TRIM36: variants seen among roughly 807,000 people sequenced by gnomAD.
The protein encoded by TRIM36 is tripartite motif containing 36, also known as E3 ubiquitin-protein ligase TRIM36.
TRIM36 carries 42 observed loss-of-function variants against 72.4 expected under a neutral mutation model. That is an observed-to-expected ratio of 0.58 (90% CI 0.45 to 0.75). TRIM36 has a LOEUF of 0.75. TRIM36 is among the 30% of genes least tolerant of loss of function. TRIM36 has a pLI of 0.00. For missense variants in TRIM36, 913 were observed against 857.1 expected (o/e 1.07, Z -0.81); for synonymous variants, 315 against 282.8 (o/e 1.11, Z -1.14).
At chr5:115,137,268 A>G (rs943393224) in intron 6 of TRIM36, 95 bp downstream of exon 6, 66 of 1,502,392 alleles carry the variant, frequency 4.4e-5, no homozygotes, top group South Asian at 1.2e-4. Flanking sequence ...ACATTAACAC[A>G]GCATTATGGA....
chr5:115,177,710 C>A, intron 1 of TRIM36: 1 of 1,613,908 alleles, frequency 6.2e-7, no homozygotes, highest in South Asian at 1.1e-5. Flanking sequence ...CAGACCAACT[C>A]TCCCCCTCCA....
chr5:115,168,341 G>C (rs751170963), intron 1 of TRIM36, among the ~76,000 whole-genome samples: 1 of 152,094 alleles, frequency 6.6e-6, no homozygotes, highest in Non-Finnish European at 1.5e-5. Context: ...ATTTCTCTAC[G>C]TAGTTTTTTC....
chr5:115,162,633 A>T (rs1424162884), intron 2 of TRIM36, among the ~76,000 whole-genome samples: 1 of 152,210 alleles, frequency 6.6e-6, no homozygotes, highest in Non-Finnish European at 1.5e-5. Context: ...TTTTTGCTAA[A>T]TATTAACATA....
chr5:115,177,805 C>T lies in TRIM36; in HGVS notation c.63+2170G>A, dbSNP rs771717428. On this transcript the variant is annotated intron_variant, in intron 1 of 9. Coordinates refer to the TRIM36 transcript ENST00000282369. ...AACCTCAGAGATTTCAAAGGGACAGCGGGCCTCTCCACCTTTAGAAGTCAA... is the reference window on the plus strand; with the variant it reads ...AACCTCAGAGATTTCAAAGGGACAGTGGGCCTCTCCACCTTTAGAAGTCAA... 1.1e-5 allele frequency: 18 copies of T among 1,613,980 alleles called. No homozygotes were observed. The South Asian group carries it at 1.2e-4, about 11-fold the overall frequency.
At chr5:115,163,852 G>A in intron 1 of TRIM36, 100 bp from the exon 2 acceptor site, 1 of 979,412 alleles carries the variant, frequency 1.0e-6, no homozygotes, top group Non-Finnish European at 1.5e-6. Context: ...TTTCCAAAAA[G>A]AATTAAGAAA....
Position 115,125,522 on chromosome 5 carries a change from C to G in TRIM36, c.*981G>C, listed in dbSNP as rs544918112. The G allele has an allele frequency of 6.6e-6, 1 of 151,914 alleles. No homozygotes were observed. The highest frequency in any genetic ancestry group is 2.4e-5 in the African/African-American group (1 of 41,402). The allele number at this position is 151,914 out of a possible 1,614,324, so 9.4% of individuals were successfully genotyped here. On this transcript the variant is annotated 3_prime_UTR_variant, in exon 10 of 10. Transcript: ENST00000513154. Reference sequence around the variant, plus strand: ...AAAATTTATAATATATGTAACGCTACTAAAATATATAATGAACTTTTCAAA... The same window carrying G: ...AAAATTTATAATATATGTAACGCTAGTAAAATATATAATGAACTTTTCAAA...
chr5:115,142,463 A>G (rs796394124), intron 4 of TRIM36, among the ~76,000 whole-genome samples: 4 of 152,342 alleles, frequency 2.6e-5, no homozygotes, highest in African/African-American at 9.6e-5. Context: ...CATTAGAACT[A>G]CAAGATAGGA....
intron 9 of TRIM36, among the ~76,000 whole-genome samples, chr5:115,129,882 A>C (rs1752581176): frequency 6.6e-6 from 1 of 152,170 alleles, no homozygotes; most frequent in African/African-American, 2.4e-5. Flanking sequence ...AGGTTTCTCC[A>C]CTTCTAGTAT....
At chr5:115,132,172 C>G (rs886552699) in intron 8 of TRIM36, among the ~76,000 whole-genome samples, 2 of 139,634 alleles carry the variant, frequency 1.4e-5, no homozygotes, top group African/African-American at 2.6e-5. Context: ...CCCCATCTCT[C>G]TCTCTCTCTC....
intron 5 of TRIM36, among the ~76,000 whole-genome samples, chr5:115,139,146 A>T (rs1753137342): frequency 7.0e-6 from 1 of 143,710 alleles, no homozygotes; most frequent in Non-Finnish European, 1.5e-5. Flanking sequence ...TTTGAAACGG[A>T]GTCTTGCCCT....
intron 2 of TRIM36, among the ~76,000 whole-genome samples, chr5:115,155,833 G>C (rs1754150756): frequency 6.6e-6 from 1 of 151,912 alleles, no homozygotes; most frequent in Non-Finnish European, 1.5e-5. Flanking sequence ...GACATAAATG[G>C]CAACCAAATC....
chr5:115,137,115 T>A lies in TRIM36; in HGVS notation c.1095A>T (p.Lys365Asn), dbSNP rs757362609. The A allele has an allele frequency of 3.1e-6, 5 of 1,594,030 alleles. No individual in the cohort carries two copies. The South Asian group carries it at 5.8e-5, about 18-fold the overall frequency. The change falls in exon 7 of 10, where the codon AAA becomes AAT. Residue 365 changes from lysine to asparagine, a missense_variant. By Grantham distance (94) the Lys-to-Asn change is moderately conservative. Coordinates refer to ENST00000513154, the MANE Select transcript of TRIM36 (RefSeq NM_001300759.2). ...TAAAGCTCTTCAAAGATTCTGTGGC[T>A]TTCTGTATTCTGCAGACAGATATTT... ...TAKQLHLRIQ[K>N]ATESLKSFRP...
At chr5:115,153,244 T>C (rs374003767) in intron 2 of TRIM36, among the ~76,000 whole-genome samples, 15 of 152,286 alleles carry the variant, frequency 9.8e-5, no homozygotes, top group African/African-American at 3.6e-4. Flanking sequence ...GGTATTCTTA[T>C]ATCAGACAAA....
chr5:115,162,590 G>A (rs1350950412), intron 2 of TRIM36, among the ~76,000 whole-genome samples: 2 of 152,158 alleles, frequency 1.3e-5, no homozygotes, highest in African/African-American at 2.4e-5. Flanking sequence ...ATTATAAGTA[G>A]AAATATCTAG....
At chr5:115,159,417 G>A (rs1754357202) in intron 2 of TRIM36, among the ~76,000 whole-genome samples, 1 of 152,146 alleles carries the variant, frequency 6.6e-6, no homozygotes, top group Non-Finnish European at 1.5e-5. Context: ...CATGTATATT[G>A]ACAAAATGCA....
intron 2 of TRIM36, among the ~76,000 whole-genome samples, chr5:115,156,721 A>G (rs566392214): frequency 3.3e-5 from 5 of 152,382 alleles, no homozygotes; most frequent in South Asian, 2.1e-4. Flanking sequence ...ATTCTAGAAG[A>G]TAACACTGAA....
At chr5:115,156,229 C>A (rs1754173723) in intron 2 of TRIM36, among the ~76,000 whole-genome samples, 2 of 151,974 alleles carry the variant, frequency 1.3e-5, no homozygotes, top group African/African-American at 2.4e-5. Flanking sequence ...GTGAAAATGA[C>A]CATACTGCCA....
At chr5:115,159,301 G>A (rs1754349611) in intron 2 of TRIM36, among the ~76,000 whole-genome samples, 1 of 152,184 alleles carries the variant, frequency 6.6e-6, no homozygotes, top group African/African-American at 2.4e-5. Context: ...ACCTTTAAAT[G>A]TAGCAATATC....
intron 1 of TRIM36, among the ~76,000 whole-genome samples, chr5:115,167,803 C>A (rs996191646): frequency 6.6e-6 from 1 of 152,210 alleles, no homozygotes; most frequent in African/African-American, 2.4e-5. Flanking sequence ...GCAGTGCCCA[C>A]TACCTTGGTA....
Sources: gnomAD v4.1 joint callset for allele counts (sites outside exome capture counted in the v4.1 genomes callset) on GRCh38, gnomAD v4.1.1 for gene constraint, MANE v1.5 for transcripts, NCBI Gene and HGNC (gene_info 2026-07-23, HGNC 2026-07-21) for gene names.